CSMD1: variants seen among roughly 807,000 people sequenced by gnomAD.
CSMD1 encodes the protein CUB and sushi domain-containing protein 1.
CSMD1 carries 213 observed loss-of-function variants against 417.5 expected under a neutral mutation model. That is an observed-to-expected ratio of 0.51 (90% CI 0.46 to 0.57). The LOEUF is 0.57. Among genes scored for constraint, CSMD1 ranks in the 20% least tolerant of loss-of-function variants. The pLI, the probability that CSMD1 is intolerant of heterozygous loss-of-function variation, is 0.00. For synonymous variants in CSMD1, 2,862 were observed against 1,736.8 expected (o/e 1.65, Z -16.11); for missense variants, 6,923 against 4,529.7 (o/e 1.53, Z -15.17).
intron 10 of CSMD1, among the ~76,000 whole-genome samples, chr8:3,556,008 G>C (rs79724778): frequency 1.3e-5 from 2 of 151,974 alleles, no homozygotes; most frequent in South Asian, 4.2e-4. Context: ...TCCCATTCAA[G>C]GACAGAACAA....
At chr8:3,611,014 T>TAGGTG (rs1476629463) in intron 8 of CSMD1, among the ~76,000 whole-genome samples, 1 of 137,438 alleles carries the variant, frequency 7.3e-6, no homozygotes, top group African/African-American at 2.8e-5. Flanking sequence ...TTCTCACTCA[T>TAGGTG]AGGTGGGAAC....
chr8:4,697,202 G>A (rs1327253081), intron 1 of CSMD1, among the ~76,000 whole-genome samples: 1 of 151,794 alleles, frequency 6.6e-6, no homozygotes, highest in Admixed American at 6.6e-5. Flanking sequence ...AAAAAAATCA[G>A]AAAAAATCAT....
chr8:3,924,838 T>G (rs894740305), intron 5 of CSMD1, among the ~76,000 whole-genome samples: 1 of 152,200 alleles, frequency 6.6e-6, no homozygotes, highest in African/African-American at 2.4e-5. Context: ...TTTTAATTTT[T>G]TTGTCAGGCG....
intron 1 of CSMD1, among the ~76,000 whole-genome samples, chr8:4,970,331 G>A (rs953833268): frequency 1.3e-5 from 2 of 152,036 alleles, no homozygotes; most frequent in Non-Finnish European, 2.9e-5. Flanking sequence ...AAGGGGATGT[G>A]TATTAAAGTA....
chr8:3,922,597 C>A (rs2954613), intron 5 of CSMD1, among the ~76,000 whole-genome samples: 71,855 of 151,880 alleles, frequency 0.47, 17,496 homozygotes, highest in East Asian at 0.72. Context: ...AAAACATCTT[C>A]TGGTTAAAGC....
chr8:4,122,371 C>T (rs563369634), intron 3 of CSMD1, among the ~76,000 whole-genome samples: 1 of 152,190 alleles, frequency 6.6e-6, no homozygotes, highest in East Asian at 1.9e-4. Flanking sequence ...TACTCAGTGC[C>T]AACAATTTGC....
intron 7 of CSMD1, among the ~76,000 whole-genome samples, chr8:3,678,653 C>G (rs1179499952): frequency 2.6e-5 from 4 of 152,150 alleles, no homozygotes; most frequent in Non-Finnish European, 4.4e-5. Context: ...CCTAGCAAGG[C>G]AGGCCAACAT....
intron 54 of CSMD1, among the ~76,000 whole-genome samples, chr8:2,987,619 G>A (rs531076911): frequency 2.6e-5 from 4 of 152,298 alleles, no homozygotes; most frequent in Admixed American, 2.0e-4. Flanking sequence ...TGCATTATGA[G>A]AAATGAACAC....
intron 1 of CSMD1, among the ~76,000 whole-genome samples, chr8:4,763,335 T>C (rs80199941): frequency 0.016 from 2,451 of 152,304 alleles, 66 homozygotes; most frequent in African/African-American, 0.057. Context: ...TCCCCAATTA[T>C]CACAGCAAGA....
chr8:3,830,232 G>A (rs1187251842), intron 5 of CSMD1, among the ~76,000 whole-genome samples: 1 of 152,182 alleles, frequency 6.6e-6, no homozygotes, highest in Non-Finnish European at 1.5e-5. Flanking sequence ...AATTTCTAAA[G>A]GTGATCATAC....
intron 1 of CSMD1, among the ~76,000 whole-genome samples, chr8:4,866,230 C>T (rs899715826): frequency 1.3e-5 from 2 of 151,866 alleles, no homozygotes; most frequent in Non-Finnish European, 2.9e-5. Context: ...CTTAATGTAC[C>T]AGGCTCTCTT....
At chr8:2,951,709 G>GAT (rs774721873) in intron 65 of CSMD1, among the ~76,000 whole-genome samples, 11 of 152,120 alleles carry the variant, frequency 7.2e-5, no homozygotes, top group Non-Finnish European at 1.2e-4. Context: ...CCAAAGAACT[G>GAT]ATATATATAA....
chr8:3,927,702 T>C (rs1489736063), intron 5 of CSMD1, among the ~76,000 whole-genome samples: 1 of 152,080 alleles, frequency 6.6e-6, no homozygotes, highest in Non-Finnish European at 1.5e-5. Context: ...AAACAATTAA[T>C]ATTTTCTTTA....
intron 5 of CSMD1, among the ~76,000 whole-genome samples, chr8:3,822,857 G>C (rs556481660): frequency 1.3e-5 from 2 of 152,200 alleles, no homozygotes; most frequent in Non-Finnish European, 2.9e-5. Flanking sequence ...TATGCATGTG[G>C]TATTTAGAAT....
chr8:4,562,299 G>C (rs1335587650), intron 2 of CSMD1, among the ~76,000 whole-genome samples: 1 of 152,166 alleles, frequency 6.6e-6, no homozygotes, highest in East Asian at 1.9e-4. Flanking sequence ...TGCTGGAGTG[G>C]AGGACTCAGC....
chr8:4,602,109 G>C (rs1298404056), intron 2 of CSMD1, among the ~76,000 whole-genome samples: 2 of 152,150 alleles, frequency 1.3e-5, no homozygotes, highest in Non-Finnish European at 1.5e-5. Flanking sequence ...TGAGATAAGA[G>C]CCTCAGGAAA....
intron 10 of CSMD1, among the ~76,000 whole-genome samples, chr8:3,512,252 T>G (rs1797105792): frequency 6.6e-6 from 1 of 152,210 alleles, no homozygotes; most frequent in Non-Finnish European, 1.5e-5. Context: ...CATGCTGCAT[T>G]CTCATCTTCA....
intron 3 of CSMD1, among the ~76,000 whole-genome samples, chr8:4,197,543 T>A (rs142242891): frequency 1.4e-4 from 21 of 152,292 alleles, no homozygotes; most frequent in Middle Eastern, 3.4e-3. Context: ...GTCTTCCAAC[T>A]AAAACACTGG....
At chr8:3,639,297 T>A (rs1334890308) in intron 7 of CSMD1, among the ~76,000 whole-genome samples, 2 of 152,178 alleles carry the variant, frequency 1.3e-5, no homozygotes, top group African/African-American at 4.8e-5. Context: ...ATTATTACTA[T>A]TTTTGCTTGG....
Sources: allele counts gnomAD v4.1 joint callset (sites outside exome capture counted in the v4.1 genomes callset), GRCh38; gene constraint gnomAD v4.1.1; transcripts MANE v1.5; gene names NCBI Gene and HGNC (gene_info 2026-07-23, HGNC 2026-07-21).